The following SUPT3H variants were observed in gnomAD, a reference collection of about 807,000 sequenced individuals.
SUPT3H encodes the protein transcription initiation protein SPT3 homolog.
SUPT3H carries 44 observed loss-of-function variants against 44.3 expected under a neutral mutation model. That is an observed-to-expected ratio of 0.99 (90% CI 0.78 to 1.28). The LOEUF is 1.28. Ranked by LOEUF, SUPT3H falls within the 50% of genes most tolerant of loss-of-function variation. SUPT3H has a pLI of 0.00. For missense variants in SUPT3H, 380 were observed against 387.1 expected (o/e 0.98, Z 0.15); for synonymous variants, 124 against 125.6 (o/e 0.99, Z 0.09).
At chr6:45,096,823 A>G (rs951064952) in intron 3 of SUPT3H, among the ~76,000 whole-genome samples, 1 of 152,132 alleles carries the variant, frequency 6.6e-6, no homozygotes, top group African/African-American at 2.4e-5. Flanking sequence ...TTAAAGAATC[A>G]AAGTATATCA....
intron 2 of SUPT3H, among the ~76,000 whole-genome samples, chr6:45,215,302 GAA>G (rs1319657668): frequency 6.6e-6 from 1 of 152,032 alleles, no homozygotes; most frequent in Non-Finnish European, 1.5e-5. Flanking sequence ...CAGAAAATAT[GAA>G]ACTGCCAAAG....
chr6:45,357,158 C>T (rs1793365422), intron 2 of SUPT3H, among the ~76,000 whole-genome samples: 1 of 151,956 alleles, frequency 6.6e-6, no homozygotes, highest in African/African-American at 2.4e-5. Flanking sequence ...AGGCACCCGC[C>T]ACCAAGCCTG....
chr6:44,825,958 T>C (rs1767715026), downstream of SUPT3H, among the ~76,000 whole-genome samples: 3 of 152,316 alleles, frequency 2.0e-5, no homozygotes, highest in South Asian at 2.1e-4. Context: ...CAGGAATTGA[T>C]TGCTTTAAAA....
intron 10 of SUPT3H, among the ~76,000 whole-genome samples, chr6:44,923,110 C>T (rs924286255): frequency 2.0e-5 from 3 of 152,082 alleles, no homozygotes; most frequent in Non-Finnish European, 4.4e-5. Context: ...CCTTTCCTTG[C>T]ACTCATGATC....
At chr6:45,300,499 C>T (rs1418890892) in intron 2 of SUPT3H, among the ~76,000 whole-genome samples, 6 of 151,994 alleles carry the variant, frequency 3.9e-5, no homozygotes, top group African/African-American at 1.2e-4. Flanking sequence ...ACTACATGGC[C>T]CTTTTGGAAA....
At chr6:45,362,975 T>C (rs1250267387) in intron 2 of SUPT3H, among the ~76,000 whole-genome samples, 1 of 152,112 alleles carries the variant, frequency 6.6e-6, no homozygotes, top group Non-Finnish European at 1.5e-5. Flanking sequence ...TTTGGTTTTT[T>C]TAATATTTTA....
chr6:44,885,728 C>T (rs1762152030), intron 10 of SUPT3H, among the ~76,000 whole-genome samples: 1 of 152,192 alleles, frequency 6.6e-6, no homozygotes, highest in Admixed American at 6.5e-5. Context: ...TCCAAAGGAA[C>T]ACAGTTCCTC....
In SUPT3H at chr6:45,052,493, A is replaced by C. The variant is rs1790453610; in HGVS notation, c.187-31861T>G. Among the ~76,000 whole-genome samples, 4 of 152,210 alleles carry C rather than the reference A, an allele frequency of 2.6e-5. No homozygotes were observed. The South Asian group carries it at 6.2e-4, about 24-fold the overall frequency. On this transcript the variant is annotated intron_variant, in intron 3 of 10. Transcript: ENST00000371459. ...ACTACCTTTCAGTAGCTTTGCAAAA[A>C]ATCCAGTCATACAAACAGTAGCATT...
intron 10 of SUPT3H, among the ~76,000 whole-genome samples, chr6:44,932,416 CAA>C: frequency 6.6e-6 from 1 of 151,970 alleles, no homozygotes; most frequent in South Asian, 2.1e-4. Context: ...TAAACCTCAA[CAA>C]AAAAACTTAA....
chr6:44,930,244 G>A (rs146053184), intron 10 of SUPT3H, among the ~76,000 whole-genome samples: 3 of 152,132 alleles, frequency 2.0e-5, no homozygotes, highest in Non-Finnish European at 4.4e-5. Context: ...AGCCAGGCGT[G>A]ATGGCGGGTG....
At chr6:45,373,796 A>C (rs1582012097) in intron 1 of SUPT3H, among the ~76,000 whole-genome samples, 1 of 151,896 alleles carries the variant, frequency 6.6e-6, no homozygotes, top group Non-Finnish European at 1.5e-5. Flanking sequence ...CAAGTGATCC[A>C]CCCATCTCAG....
In SUPT3H at chr6:45,366,597, T is replaced by C. The variant is rs1795177793; in HGVS notation, c.1-1296A>G. ...AAACTTTTATATAAATTTAGATGTA[T>C]TACCCTTTTTTTCACAATCAGGCAA... On this transcript the variant is annotated intron_variant, in intron 1 of 10. Coordinates refer to ENST00000371459, the MANE Select transcript of SUPT3H (RefSeq NM_003599.4). Among the ~76,000 whole-genome samples, 4 of 152,180 alleles carry C rather than the reference T, an allele frequency of 2.6e-5. No individual in the cohort carries two copies. In the South Asian group the frequency reaches 8.3e-4, roughly 31 times the overall value.
At chr6:45,375,440 A>G (rs192540103) in intron 1 of SUPT3H, among the ~76,000 whole-genome samples, 90 of 152,302 alleles carry the variant, frequency 5.9e-4, no homozygotes, top group Admixed American at 1.4e-3. Flanking sequence ...AAAGCACCCC[A>G]TTCTGATTTG....
At chr6:45,276,747 G>A (rs1317328340) in intron 2 of SUPT3H, among the ~76,000 whole-genome samples, 3 of 152,150 alleles carry the variant, frequency 2.0e-5, no homozygotes, top group Admixed American at 6.5e-5. Flanking sequence ...AAGTCAAACA[G>A]TTCCTCCAAT....
Position 44,827,552 on chromosome 6 carries a change from A to ACTAT in SUPT3H, c.*2260_*2263dup, listed in dbSNP as rs1467994667. ...GCAGCTGTTCTTAATGATCTCTAAG[A>ACTAT]CTATCTTCTGCTCTAACATTATGAT... On this transcript the variant is annotated 3_prime_UTR_variant, in exon 11 of 11. Transcript: ENST00000371459. 2.0e-5 allele frequency among the ~76,000 whole-genome samples: 3 copies of ACTAT among 152,056 alleles called. No homozygotes were observed. The highest frequency in any genetic ancestry group is 7.2e-5 in the African/African-American group (3 of 41,428).
intron 2 of SUPT3H, among the ~76,000 whole-genome samples, chr6:45,192,357 A>G (rs1213208070): frequency 6.7e-6 from 1 of 150,016 alleles, no homozygotes; most frequent in East Asian, 1.9e-4. Flanking sequence ...AACTGTTTGA[A>G]AAAGCAAAAA....
intron 2 of SUPT3H, among the ~76,000 whole-genome samples, chr6:45,331,104 G>GGTGTGTGT (rs143223149): frequency 2.5e-4 from 38 of 149,720 alleles, no homozygotes; most frequent in Admixed American, 7.3e-4. Flanking sequence ...TACAATGAGT[G>GGTGTGTGT]GTGTGTGTGT....
chr6:45,103,869 C>A (rs1460739210), intron 3 of SUPT3H, among the ~76,000 whole-genome samples: 1 of 151,930 alleles, frequency 6.6e-6, no homozygotes, highest in African/African-American at 2.4e-5. Context: ...TACAGGGGAA[C>A]AAATGAATAA....
intron 10 of SUPT3H, among the ~76,000 whole-genome samples, chr6:44,908,589 T>C (rs1242847762): frequency 1.3e-5 from 2 of 152,180 alleles, no homozygotes. Flanking sequence ...GGGGAAAGTA[T>C]TTAAGAGAAC....
Sources: allele counts gnomAD v4.1 joint callset (sites outside exome capture counted in the v4.1 genomes callset), GRCh38; gene constraint gnomAD v4.1.1; transcripts MANE v1.5; gene names NCBI Gene and HGNC (gene_info 2026-07-23, HGNC 2026-07-21).